The following MAOA variants were observed in gnomAD, a reference collection of about 807,000 sequenced individuals.
MAOA encodes monoamine oxidase A.
MAOA carries 6 observed loss-of-function variants against 42.0 expected under a neutral mutation model. The ratio of observed to expected loss-of-function variants is 0.14; its 90% CI spans 0.08 to 0.28. The LOEUF (loss-of-function observed/expected upper bound fraction) is 0.28. Among genes scored for constraint, MAOA ranks in the 10% least tolerant of loss-of-function variants. MAOA has a pLI of 1.00. For missense variants in MAOA, 262 were observed against 422.3 expected, an observed-to-expected ratio of 0.62 and a Z score of 3.33; for synonymous variants, 140 against 154.0, an observed-to-expected ratio of 0.91 and a Z score of 0.67.
At chrX:43,679,075 C>T (rs1202491016) in intron 1 of MAOA, among the ~76,000 whole-genome samples, 1 of 111,562 alleles carries the variant, frequency 9.0e-6, no homozygotes, top group Non-Finnish European at 1.9e-5. Context: ...TATCTGAAAT[C>T]CTTTTTAAAT....
intron 3 of MAOA, among the ~76,000 whole-genome samples, chrX:43,704,114 C>T (rs769394450): frequency 9.0e-5 from 10 of 110,814 alleles, no homozygotes; most frequent in Non-Finnish European, 1.9e-4. Context: ...CAAAAAAATA[C>T]AAGAGGAGGA....
At chrX:43,673,065 G>C (rs1569190438) in intron 1 of MAOA, among the ~76,000 whole-genome samples, 1 of 110,110 alleles carries the variant, frequency 9.1e-6, no homozygotes, top group Non-Finnish European at 1.9e-5. Flanking sequence ...AATCCATCTG[G>C]TCCTGGACTC....
At position 43,657,156 on chromosome X, in the gene MAOA, TTATATA is replaced by T. The variant is rs1172612833; in HGVS notation, c.73+750_73+755del. ...GTTTATATATATATATGAACTGTGT[TTATATA>T]TATATATGAACTGTGTTTATATATA... On this transcript the variant is annotated intron_variant, in intron 1 of 14. Transcript: ENST00000338702. Among the ~76,000 whole-genome samples the T allele has an allele frequency of 3.3e-5, 3 of 91,443 alleles. No homozygotes were observed. In the Admixed American group the frequency reaches 3.7e-4, roughly 11 times the overall value. The allele number at this position is 91,443 out of a possible 115,157, so 79.4% of individuals were successfully genotyped here.
chrX:43,655,451 C>G (rs907296099), upstream of MAOA: 2 of 111,736 alleles, frequency 1.8e-5, no homozygotes, highest in African/African-American at 6.5e-5. Flanking sequence ...GTACTGACTC[C>G]GACTCCAAGA....
chrX:43,729,290 G>C (rs1220574562), intron 6 of MAOA, among the ~76,000 whole-genome samples: 1 of 112,137 alleles, frequency 8.9e-6, no homozygotes, highest in Non-Finnish European at 1.9e-5. Context: ...TTTACTTTCT[G>C]AGGTATTTTG....
At chrX:43,663,536 T>C (rs1005764129) in intron 1 of MAOA, among the ~76,000 whole-genome samples, 2 of 111,215 alleles carry the variant, frequency 1.8e-5, no homozygotes, top group African/African-American at 6.5e-5. Context: ...GCCACAAAAT[T>C]CTTAGCTGTT....
chrX:43,699,163 C>T (rs1310636477), intron 3 of MAOA, among the ~76,000 whole-genome samples: 1 of 111,055 alleles, frequency 9.0e-6, no homozygotes, highest in East Asian at 2.8e-4. Context: ...AAAACATTCT[C>T]TTTATCAGTT....
intron 2 of MAOA, among the ~76,000 whole-genome samples, chrX:43,692,616 T>TAA (rs1399544319): frequency 6.0e-5 from 6 of 100,570 alleles, no homozygotes; most frequent in African/African-American, 2.2e-4. Flanking sequence ...CTTTATTTAT[T>TAA]AAAAAAAAAA....
chrX:43,697,028 T>A (rs5905822), intron 3 of MAOA, among the ~76,000 whole-genome samples: 1 of 110,598 alleles, frequency 9.0e-6, no homozygotes, highest in Admixed American at 9.5e-5. Context: ...TGAGCTCCCA[T>A]TATGTTCCAG....
chrX:43,699,782 G>A (rs2033608834), intron 3 of MAOA, among the ~76,000 whole-genome samples: 1 of 111,506 alleles, frequency 9.0e-6, no homozygotes, highest in African/African-American at 3.3e-5. Context: ...TTGTTGCTAA[G>A]AGGGAAACTT....
Position 43,712,687 on chromosome X carries a change from G to A in MAOA, c.412-18G>A. ...GCAGTTACCATCAAACCTGAGAGGGGACTTCCTTTCTCTACAGATTCCAAC... is the reference window on the plus strand; with the variant it reads ...GCAGTTACCATCAAACCTGAGAGGGAACTTCCTTTCTCTACAGATTCCAAC... On this transcript the variant is annotated intron_variant, in intron 4 of 14. Transcript: ENST00000338702. 1 of 1,120,668 alleles carries A rather than the reference G, an allele frequency of 8.9e-7. No homozygotes were observed. Among genetic ancestry groups the A allele is most frequent in the Non-Finnish European group, 1.2e-6 (1 of 813,155 alleles). The allele number at this position is 1,120,668 out of a possible 1,213,427, so 92.4% of individuals were successfully genotyped here.
At chrX:43,686,275 G>A (rs950158041) in intron 2 of MAOA, among the ~76,000 whole-genome samples, 1 of 111,994 alleles carries the variant, frequency 8.9e-6, no homozygotes, top group African/African-American at 3.2e-5. Context: ...TTTGTATAAG[G>A]GAAATGAGAA....
At chrX:43,729,635 T>G (rs1306788358) in intron 6 of MAOA, among the ~76,000 whole-genome samples, 4 of 111,191 alleles carry the variant, frequency 3.6e-5, no homozygotes, top group Non-Finnish European at 7.5e-5. Flanking sequence ...TCTGGGAATT[T>G]TTTTTCCTTT....
At chrX:43,706,786 C>T (rs2033662247) in intron 3 of MAOA, among the ~76,000 whole-genome samples, 1 of 111,202 alleles carries the variant, frequency 9.0e-6, no homozygotes, top group Admixed American at 9.6e-5. Flanking sequence ...TACACTCCAG[C>T]CTGGGTGACA....
At chrX:43,664,507 G>A (rs746500326) in intron 1 of MAOA, among the ~76,000 whole-genome samples, 1 of 111,213 alleles carries the variant, frequency 9.0e-6, no homozygotes, top group East Asian at 2.8e-4. Flanking sequence ...AATTCCACCT[G>A]GAGGAAGTGA....
Position 43,724,413 on chromosome X carries a change from T to C in MAOA, c.504-3760T>C, listed in dbSNP as rs190871821. The stretch of plus-strand genomic sequence containing the variant: ...TCTTCCTGGTTTAGTCTTGGGAGGG[T>C]GTATGTGTCCAGGAATTTATCCATT... On this transcript the variant is annotated intron_variant, in intron 5 of 14. Coordinates refer to ENST00000338702, the MANE Select transcript of MAOA (RefSeq NM_000240.4). 1.6e-3 allele frequency among the ~76,000 whole-genome samples: 182 copies of C among 111,611 alleles called. 1 individual carries two copies. Among genetic ancestry groups the C allele is most frequent in the African/African-American group, 5.9e-3 (180 of 30,725 alleles).
intron 12 of MAOA, among the ~76,000 whole-genome samples, chrX:43,742,520 G>A (rs1424890404): frequency 2.7e-5 from 3 of 112,582 alleles, no homozygotes; most frequent in Non-Finnish European, 5.6e-5. Flanking sequence ...CATCCACGTG[G>A]GGTGGGTCCA....
At chrX:43,679,728 A>C (rs1365347766) in intron 1 of MAOA, among the ~76,000 whole-genome samples, 1 of 111,583 alleles carries the variant, frequency 9.0e-6, no homozygotes, top group Admixed American at 9.5e-5. Context: ...GTTTTTAGTT[A>C]GGTTGATGAA....
chrX:43,719,957 C>T (rs750762803), intron 5 of MAOA, among the ~76,000 whole-genome samples: 2 of 108,601 alleles, frequency 1.8e-5, no homozygotes, highest in Non-Finnish European at 3.8e-5. Context: ...GACACAGGAC[C>T]GGGGATGTTA....
Sources: gnomAD v4.1 joint callset for allele counts (sites outside exome capture counted in the v4.1 genomes callset) on GRCh38, gnomAD v4.1.1 for gene constraint, MANE v1.5 for transcripts, NCBI Gene and HGNC (gene_info 2026-07-23, HGNC 2026-07-21) for gene names.